Variants in DAB1 observed in about 807,000 individuals in gnomAD.
The protein encoded by DAB1 is disabled homolog 1.
A neutral mutation model predicts 64.6 loss-of-function variants in DAB1; 15 were observed. That is an observed-to-expected ratio of 0.23 (90% confidence interval 0.16 to 0.36). The LOEUF is 0.36. DAB1 is among the 10% of genes least tolerant of loss of function. DAB1 has a pLI of 1.00. For missense variants in DAB1, 596 were observed against 706.7 expected (o/e 0.84, Z 1.78); for synonymous variants, 235 against 251.9 (o/e 0.93, Z 0.64).
chr1:58,050,515 G>A (rs1272177887), intron 5 of DAB1, among the ~76,000 whole-genome samples: 5 of 151,936 alleles, frequency 3.3e-5, no homozygotes, highest in African/African-American at 1.2e-4. Context: ...TAACCTCATT[G>A]CTTTATTTTA....
chr1:57,336,603 T>C (rs374300454), intron 1 of DAB1, among the ~76,000 whole-genome samples: 3 of 152,328 alleles, frequency 2.0e-5, no homozygotes, highest in African/African-American at 7.2e-5. Flanking sequence ...TAGGTGCTTA[T>C]CACCGTTTCC....
rs75209053 is a variant in DAB1, at chr1:58,409,555, T to A, written n.258-66152A>T. Among the ~76,000 whole-genome samples the A allele has an allele frequency of 5.8e-3, 876 of 152,316 alleles. 8 individuals are homozygous for A. The highest frequency in any genetic ancestry group is 0.02 in the African/African-American group (842 of 41,560). On this transcript the variant is annotated intron_variant and non_coding_transcript_variant, in intron 3 of 20. Coordinates refer to the DAB1 transcript ENST00000485760. Reference sequence around the variant, plus strand: ...ATCCAAACAGAGGCCGGAAAATCATTTGTCTGAGATGAGGTAGTGATTTCT... The same window carrying A: ...ATCCAAACAGAGGCCGGAAAATCATATGTCTGAGATGAGGTAGTGATTTCT...
At chr1:57,526,889 T>C (rs1443604731) in intron 7 of DAB1, among the ~76,000 whole-genome samples, 1 of 152,196 alleles carries the variant, frequency 6.6e-6, no homozygotes, top group Non-Finnish European at 1.5e-5. Context: ...TTAAGTAAAT[T>C]ATAATTGCTA....
intron 5 of DAB1, among the ~76,000 whole-genome samples, chr1:57,934,073 G>GTGTGTGTGTGTA (rs1288997678): frequency 6.7e-6 from 1 of 148,210 alleles, no homozygotes; most frequent in African/African-American, 2.5e-5. Context: ...TTGTGTGTGT[G>GTGTGTGTGTGTA]TGTGTGTGTG....
At chr1:57,274,748 T>C (rs181936027) in intron 2 of DAB1, among the ~76,000 whole-genome samples, 1 of 152,134 alleles carries the variant, frequency 6.6e-6, no homozygotes, top group African/African-American at 2.4e-5. Context: ...GCCTGACTAA[T>C]TTTTTGTATT....
At chr1:57,908,452 A>C (rs1345906666) in intron 5 of DAB1, among the ~76,000 whole-genome samples, 1 of 152,166 alleles carries the variant, frequency 6.6e-6, no homozygotes, top group Non-Finnish European at 1.5e-5. Flanking sequence ...GAAATGAGGG[A>C]GAGCACTAGC....
At chr1:58,263,875 C>A (rs2100419845) in intron 4 of DAB1, among the ~76,000 whole-genome samples, 1 of 152,304 alleles carries the variant, frequency 6.6e-6, no homozygotes, top group African/African-American at 2.4e-5. Context: ...TGAAACAAAG[C>A]ACAACATAAA....
At chr1:57,792,689 C>T (rs1204174833) in intron 6 of DAB1, among the ~76,000 whole-genome samples, 8 of 152,196 alleles carry the variant, frequency 5.3e-5, no homozygotes, top group African/African-American at 1.9e-4. Context: ...AATGTTCTCA[C>T]TGTAACTCCT....
At chr1:57,919,033 G>A (rs776340355) in intron 5 of DAB1, among the ~76,000 whole-genome samples, 1 of 152,196 alleles carries the variant, frequency 6.6e-6, no homozygotes, top group Non-Finnish European at 1.5e-5. Context: ...GGTAGGTGGT[G>A]CAATATATTT....
chr1:57,118,215 A>G (rs1192909417), intron 4 of DAB1, among the ~76,000 whole-genome samples: 1 of 152,250 alleles, frequency 6.6e-6, no homozygotes, highest in South Asian at 2.1e-4. Flanking sequence ...GAAGGTGTCA[A>G]CAATGATTAT....
At chr1:58,263,917 T>TCAATTTATTA (rs1661104210) in intron 4 of DAB1, among the ~76,000 whole-genome samples, 1 of 152,242 alleles carries the variant, frequency 6.6e-6, no homozygotes, top group East Asian at 1.9e-4. Context: ...AGCCATTCAC[T>TCAATTTATTA]GGTCTTCCAA....
intron 9 of DAB1, among the ~76,000 whole-genome samples, chr1:57,031,277 A>G (rs550520400): frequency 1.8e-4 from 27 of 152,338 alleles, no homozygotes; most frequent in Non-Finnish European, 3.8e-4. Flanking sequence ...TATGTGGTCA[A>G]GAATCTGAAA....
intron 4 of DAB1, among the ~76,000 whole-genome samples, chr1:58,158,563 C>T (rs944237542): frequency 6.6e-6 from 1 of 152,042 alleles, no homozygotes. Context: ...AGGTGAGACT[C>T]GAAGGTGGGA....
chr1:58,098,904 T>C (rs1651148003), intron 5 of DAB1, among the ~76,000 whole-genome samples: 1 of 152,150 alleles, frequency 6.6e-6, no homozygotes, highest in African/African-American at 2.4e-5. Context: ...TGATGGTGTT[T>C]TGTTATGGCA....
At chr1:57,681,174 C>T (rs1224744915) in intron 6 of DAB1, among the ~76,000 whole-genome samples, 4 of 152,188 alleles carry the variant, frequency 2.6e-5, no homozygotes, top group Non-Finnish European at 5.9e-5. Context: ...GGCTTGCAGG[C>T]AACTCATGGC....
chr1:57,735,832 G>A (rs1269490082), intron 6 of DAB1, among the ~76,000 whole-genome samples: 1 of 151,962 alleles, frequency 6.6e-6, no homozygotes, highest in African/African-American at 2.4e-5. Context: ...AAAAAATGTG[G>A]CTTCTTAATC....
In DAB1 at chr1:57,364,855, G is replaced by A. The variant is rs898005512; in HGVS notation, c.-137+59075C>T. Among the ~76,000 whole-genome samples the A allele has an allele frequency of 2.1e-5, 3 of 144,310 alleles. No individual in the cohort carries two copies. The East Asian group carries it at 6.0e-4, about 29-fold the overall frequency. The allele number at this position is 144,310 out of a possible 152,430, so 94.7% of individuals were successfully genotyped here. A position where few individuals can be genotyped will look rare whatever the true frequency, so the allele number is the denominator to read the frequency against. ...AAATTGTTTAGGGATATATATATAT[G>A]TATATATATATATATAGAGAGAGAA... On this transcript the variant is annotated intron_variant, in intron 1 of 14. Transcript: ENST00000371236.
At chr1:57,743,293 C>A (rs963299026) in intron 6 of DAB1, among the ~76,000 whole-genome samples, 10 of 152,158 alleles carry the variant, frequency 6.6e-5, no homozygotes, top group Middle Eastern at 3.2e-3. Flanking sequence ...CCTAACTGAT[C>A]AATGTACTTT....
chr1:57,618,686 T>C (rs912251481), intron 7 of DAB1, among the ~76,000 whole-genome samples: 1 of 152,146 alleles, frequency 6.6e-6, no homozygotes, highest in Admixed American at 6.5e-5. Flanking sequence ...CCGGAGCCTT[T>C]TGGAATTAAT....
Sources: gnomAD v4.1 joint callset for allele counts (sites outside exome capture counted in the v4.1 genomes callset) on GRCh38, gnomAD v4.1.1 for gene constraint, MANE v1.5 for transcripts, NCBI Gene and HGNC (gene_info 2026-07-23, HGNC 2026-07-21) for gene names.